The following NKIRAS1 variants were observed in gnomAD, a reference collection of about 807,000 sequenced individuals.
NKIRAS1 encodes NFKB inhibitor interacting Ras like 1, also known as NF-kappa-B inhibitor-interacting Ras-like protein 1.
In NKIRAS1, 16 loss-of-function variants were observed where a neutral mutation model predicts 19.8. The ratio of observed to expected loss-of-function variants is 0.81; its 90% confidence interval spans 0.55 to 1.23. NKIRAS1 has a LOEUF of 1.23. Ranked by LOEUF, NKIRAS1 falls within the 50% of genes most tolerant of loss-of-function variation. The pLI is 0.00. For synonymous variants in NKIRAS1, 88 were observed against 79.0 expected (o/e 1.11, Z -0.61); for missense variants, 184 against 220.0 (o/e 0.84, Z 1.04).
chr3:23,924,151 G>A (rs1389338698), intron 1 of NKIRAS1: 2 of 152,258 alleles, frequency 1.3e-5, no homozygotes, highest in African/African-American at 2.4e-5. Flanking sequence ...GACAGCATGA[G>A]TGGTAAGATT....
rs1390576101 is a variant in NKIRAS1, at chr3:23,945,002, C to A, written c.-140+1321G>T. 4.6e-5 allele frequency among the ~76,000 whole-genome samples: 7 copies of A among 151,516 alleles called. No individual in the cohort carries two copies. In the East Asian group the frequency reaches 1.4e-3, roughly 30 times the overall value. On this transcript the variant is annotated intron_variant, in intron 1 of 4. Coordinates refer to the NKIRAS1 transcript ENST00000421515. Reference sequence around the variant, plus strand: ...GACTCCCGGCCAGAGGCGGGAAAGGCAGCCGGGAGGAGAGGAAAGAGGAGG... The same window carrying A: ...GACTCCCGGCCAGAGGCGGGAAAGGAAGCCGGGAGGAGAGGAAAGAGGAGG...
At chr3:23,945,742 T>G in intron 1 of NKIRAS1, 6 of 536,144 alleles carry the variant, frequency 1.1e-5, no homozygotes, top group Non-Finnish European at 1.3e-5. Context: ...TCTGGCTCGG[T>G]TCCCATCGCC....
chr3:23,902,047 T>C (rs926547049), intron 3 of NKIRAS1, among the ~76,000 whole-genome samples: 1 of 152,216 alleles, frequency 6.6e-6, no homozygotes, highest in African/African-American at 2.4e-5. Context: ...GCACTCCAGC[T>C]TGGATGACAG....
chr3:23,928,994 C>T (rs915426807), intron 1 of NKIRAS1, among the ~76,000 whole-genome samples: 1 of 121,336 alleles, frequency 8.2e-6, no homozygotes, highest in African/African-American at 3.0e-5. Context: ...GAGACTCCAT[C>T]TCTTTAAAAA....
At chr3:23,905,013 G>C (rs1053024019) in intron 3 of NKIRAS1, among the ~76,000 whole-genome samples, 2 of 151,958 alleles carry the variant, frequency 1.3e-5, no homozygotes, top group African/African-American at 2.4e-5. Flanking sequence ...TTTCTAAATA[G>C]AGATGGGGTC....
chr3:23,916,608 C>G (rs1459414974), intron 1 of NKIRAS1, 176 bp downstream of exon 1: 1 of 152,340 alleles, frequency 6.6e-6, no homozygotes, highest in African/African-American at 2.4e-5. Flanking sequence ...CGCGACGCCC[C>G]GACTCCGCGA....
rs1470441858 is a variant in NKIRAS1 at position 23,890,293 on chromosome 3, G to A, written c.*2802C>T. On this transcript the variant is annotated 3_prime_UTR_variant, in exon 5 of 5. Coordinates refer to ENST00000425478, the MANE Select transcript of NKIRAS1 (RefSeq NM_020345.4). ...AATGGAATGAACTAAGATAAAGACA[G>A]ACCAGTACACTAAAGCCTAAGCATT... Among the ~76,000 whole-genome samples the A allele has an allele frequency of 6.6e-6, 1 of 152,136 alleles. No individual in the cohort carries two copies. The highest frequency in any genetic ancestry group is 1.5e-5 in the Non-Finnish European group (1 of 68,022).
intron 3 of NKIRAS1, among the ~76,000 whole-genome samples, chr3:23,907,629 C>T (rs1293592407): frequency 2.6e-5 from 4 of 152,188 alleles, no homozygotes; most frequent in South Asian, 4.1e-4. Context: ...TAGTGCAAAT[C>T]GAGTCAGTGG....
chr3:23,920,718 C>T, upstream of NKIRAS1: 1 of 983,794 alleles, frequency 1.0e-6, no homozygotes. Flanking sequence ...AGGAAGTACT[C>T]ATAGCAAGTT....
exon 1 of NKIRAS1, chr3:23,946,365 C>G (rs1705708807): frequency 1.1e-6 from 1 of 918,980 alleles, no homozygotes; most frequent in Non-Finnish European, 1.3e-6. Flanking sequence ...GGGCGTGCTG[C>G]AGGCCGGAGG....
chr3:23,928,911 T>C (rs935485879), intron 1 of NKIRAS1, among the ~76,000 whole-genome samples: 2 of 150,984 alleles, frequency 1.3e-5, no homozygotes, highest in East Asian at 3.9e-4. Context: ...GCAGGAGAAT[T>C]GCTAGAACCC....
chr3:23,918,147 A>C, upstream of NKIRAS1: 3 of 1,323,988 alleles, frequency 2.3e-6, no homozygotes, highest in South Asian at 1.5e-5. Context: ...GCTTTGGCAG[A>C]AAAAAGCTAG....
chr3:23,910,326 T>C (rs982434715), intron 3 of NKIRAS1, among the ~76,000 whole-genome samples: 5 of 151,872 alleles, frequency 3.3e-5, no homozygotes, highest in African/African-American at 7.3e-5. Flanking sequence ...CTGGCTAATG[T>C]TGTATTTTTA....
chr3:23,906,325 ATG>A (rs1278666758), intron 3 of NKIRAS1, among the ~76,000 whole-genome samples: 2 of 152,186 alleles, frequency 1.3e-5, no homozygotes, highest in African/African-American at 4.8e-5. Context: ...CATCTGGACT[ATG>A]TGGAAAGAAC....
rs554999227 is a variant in NKIRAS1 at position 23,911,727 on chromosome 3, C to T, written c.-139-277G>A. On this transcript the variant is annotated intron_variant, in intron 1 of 4. Transcript: ENST00000425478. ...ATGAAAGTTTATGTCAGTCTTTTCT[C>T]GAGAAGGGAAGAAACTGGATTTTGG... is the stretch of plus-strand genomic sequence containing the variant. Among the ~76,000 whole-genome samples, 9 of 149,606 alleles carry T rather than the reference C, an allele frequency of 6.0e-5. 1 individual carries two copies. Among genetic ancestry groups the T allele is most frequent in the Middle Eastern group, 7.1e-3 (2 of 280 alleles).
chr3:23,914,315 A>G (rs1246965869), intron 1 of NKIRAS1, among the ~76,000 whole-genome samples: 1 of 152,166 alleles, frequency 6.6e-6, no homozygotes, highest in Non-Finnish European at 1.5e-5. Flanking sequence ...GGGCCATTCT[A>G]TTTTTATAAG....
chr3:23,907,415 C>A (rs559522094), intron 3 of NKIRAS1, among the ~76,000 whole-genome samples: 1 of 152,184 alleles, frequency 6.6e-6, no homozygotes. Context: ...CTAACCCGTG[C>A]ACTGTTGAAG....
At chr3:23,917,387 G>C (rs981164164), upstream of NKIRAS1, 8 of 153,668 alleles carry the variant, frequency 5.2e-5, no homozygotes, top group Non-Finnish European at 8.7e-5. Context: ...AGCTGGGCCC[G>C]GATCCTGGAG....
At chr3:23,940,525 C>G (rs1472808226) in intron 1 of NKIRAS1, among the ~76,000 whole-genome samples, 1 of 152,138 alleles carries the variant, frequency 6.6e-6, no homozygotes, top group Non-Finnish European at 1.5e-5. Context: ...AAACACATCA[C>G]TGATCTTGTT....
Sources: allele counts gnomAD v4.1 joint callset (sites outside exome capture counted in the v4.1 genomes callset), GRCh38; gene constraint gnomAD v4.1.1; transcripts MANE v1.5; gene names NCBI Gene and HGNC (gene_info 2026-07-23, HGNC 2026-07-21).